Variants in HIP1 observed in about 807,000 individuals in gnomAD.
The protein encoded by HIP1 is huntingtin interacting protein 1.
In HIP1, 65 loss-of-function variants were observed where a neutral mutation model predicts 147.6. The ratio of observed to expected loss-of-function variants is 0.44; its 90% CI spans 0.36 to 0.54. HIP1 has a LOEUF of 0.54. Among genes scored for constraint, HIP1 ranks in the 20% least tolerant of loss-of-function variants. HIP1 has a pLI of 0.00. For synonymous variants in HIP1, 479 were observed against 504.0 expected, an observed-to-expected ratio of 0.95 and a Z score of 0.67; for missense variants, 1,061 against 1,299.6, an observed-to-expected ratio of 0.82 and a Z score of 2.82.
chr7:75,561,362 T>A lies in HIP1; in HGVS notation c.1158A>T (p.Gly386=), dbSNP rs782494261. 8 of 1,613,512 alleles carry A rather than the reference T, an allele frequency of 5.0e-6. No individual in the cohort carries two copies. Among genetic ancestry groups the A allele is most frequent in the Non-Finnish European group, 6.8e-6 (8 of 1,179,406 alleles). The stretch of plus-strand genomic sequence containing the variant: ...TCATGTTTTCTAGCTGTGCCTTCAA[T>A]CCACTGATCTCTCTGTATAGTCGCT... ...LIERLYREIS[G]LKAQLENMKT... The change falls in exon 13 of 31, where the codon GGA becomes GGT. Residue 386 remains glycine, a synonymous_variant. Transcript: ENST00000336926.
At chr7:75,541,841 C>T in intron 29 of HIP1, 78 bp downstream of exon 29, 1 of 1,109,810 alleles carries the variant, frequency 9.0e-7, no homozygotes, top group Admixed American at 1.7e-5. Flanking sequence ...TTCCCTCTGG[C>T]TTTTCTCCAT....
intron 1 of HIP1, among the ~76,000 whole-genome samples, chr7:75,710,380 A>AT (rs1216858846): frequency 6.6e-6 from 1 of 152,000 alleles, no homozygotes; most frequent in East Asian, 1.9e-4. Context: ...ATGGTGTATA[A>AT]TTTTTTTTAA....
chr7:75,548,039 T>C (rs1554491361), intron 23 of HIP1, among the ~76,000 whole-genome samples: 3 of 152,050 alleles, frequency 2.0e-5, no homozygotes, highest in Admixed American at 1.3e-4. Flanking sequence ...TGTCATTTTG[T>C]TTTGTTTTGA....
chr7:75,702,257 C>T (rs1470494585), intron 1 of HIP1, among the ~76,000 whole-genome samples: 22 of 152,034 alleles, frequency 1.4e-4, no homozygotes, highest in Non-Finnish European at 5.9e-5. Flanking sequence ...ATTACAGACA[C>T]GCACCACCAC....
At chr7:75,590,025 G>T (rs372717713) in intron 4 of HIP1, among the ~76,000 whole-genome samples, 1 of 152,020 alleles carries the variant, frequency 6.6e-6, no homozygotes, top group Non-Finnish European at 1.5e-5. Context: ...GAGCCACTGC[G>T]CCTGGCCAAA....
intron 24 of HIP1, among the ~76,000 whole-genome samples, 194 bp from the exon 25 acceptor site, chr7:75,547,226 G>T (rs1156380554): frequency 6.6e-6 from 1 of 152,106 alleles, no homozygotes; most frequent in East Asian, 1.9e-4. Context: ...ATCTAATTGT[G>T]GGTCTCCATC....
intron 1 of HIP1, among the ~76,000 whole-genome samples, chr7:75,730,759 G>A (rs1321817012): frequency 6.8e-6 from 1 of 146,362 alleles, no homozygotes; most frequent in East Asian, 2.1e-4. Context: ...TTGAGACAAG[G>A]TCTTTCTCTG....
intron 1 of HIP1, among the ~76,000 whole-genome samples, chr7:75,734,177 C>G (rs189523794): frequency 6.6e-6 from 1 of 151,684 alleles, no homozygotes; most frequent in Non-Finnish European, 1.5e-5. Context: ...ACCCAGGAGG[C>G]GAAGGTTGTA....
At chr7:75,722,755 A>T (rs987059900) in intron 1 of HIP1, among the ~76,000 whole-genome samples, 24 of 152,186 alleles carry the variant, frequency 1.6e-4, no homozygotes, top group South Asian at 4.1e-4. Flanking sequence ...ATAAAAAAAA[A>T]TTTTTTTTAA....
chr7:75,631,392 C>T (rs10230553), intron 1 of HIP1, among the ~76,000 whole-genome samples: 17,211 of 152,160 alleles, frequency 0.11, 1,418 homozygotes, highest in African/African-American at 0.23. Context: ...ATCTGAGAGT[C>T]GGCAAGTGGT....
chr7:75,738,632 C>T (rs1802104630), intron 1 of HIP1, among the ~76,000 whole-genome samples, 169 bp downstream of exon 1: 1 of 152,146 alleles, frequency 6.6e-6, no homozygotes, highest in South Asian at 2.1e-4. Flanking sequence ...ACCCTGGGGT[C>T]CCCGACCTTC....
chr7:75,541,137 C>A (rs781897978), intron 29 of HIP1, among the ~76,000 whole-genome samples: 169 of 151,088 alleles, frequency 1.1e-3, no homozygotes, highest in Middle Eastern at 3.4e-3. Flanking sequence ...TGGCTCACGC[C>A]TGTAATCCCA....
rs908738314 is a variant in HIP1 at position 75,677,055 on chromosome 7, T to G, written c.120+61746A>C. 1.3e-5 allele frequency among the ~76,000 whole-genome samples: 2 copies of G among 149,892 alleles called. 1 individual carries two copies. Among genetic ancestry groups the G allele is most frequent in the South Asian group, 4.3e-4 (2 of 4,694 alleles). The stretch of plus-strand genomic sequence containing the variant: ...ACTAAATATACAAAAATTAGCCAGG[T>G]GTGGTGGTGCATGCCTGTAATCCTA... On this transcript the variant is annotated intron_variant, in intron 1 of 30. Transcript: ENST00000336926.
intron 1 of HIP1, among the ~76,000 whole-genome samples, chr7:75,715,454 C>CAG (rs1391192756): frequency 1.5e-5 from 2 of 131,980 alleles, no homozygotes; most frequent in African/African-American, 5.9e-5. Context: ...GAGAGAGACA[C>CAG]ACACAGAGAG....
chr7:75,598,403 G>GAA (rs587640388), intron 2 of HIP1, among the ~76,000 whole-genome samples: 67 of 124,570 alleles, frequency 5.4e-4, no homozygotes, highest in African/African-American at 7.5e-4. Context: ...TCTCAAAAAA[G>GAA]AAAAAAAAAA....
At chr7:75,630,080 C>G (rs1262241292) in intron 1 of HIP1, among the ~76,000 whole-genome samples, 1 of 151,760 alleles carries the variant, frequency 6.6e-6, no homozygotes, top group Non-Finnish European at 1.5e-5. Context: ...ATCACCTGAG[C>G]CTGGGAGGTT....
At chr7:75,670,245 G>A (rs1554515126) in intron 1 of HIP1, among the ~76,000 whole-genome samples, 1 of 151,956 alleles carries the variant, frequency 6.6e-6, no homozygotes, top group Non-Finnish European at 1.5e-5. Flanking sequence ...CAAACTCCTG[G>A]GCTCAAGCCA....
intron 1 of HIP1, among the ~76,000 whole-genome samples, chr7:75,599,624 G>A (rs1414037277): frequency 6.6e-6 from 1 of 152,164 alleles, no homozygotes; most frequent in Non-Finnish European, 1.5e-5. Flanking sequence ...AGATCAGGGA[G>A]CGACCGTGGC....
At chr7:75,564,537 G>A (rs587750284) in intron 9 of HIP1, among the ~76,000 whole-genome samples, 4 of 152,026 alleles carry the variant, frequency 2.6e-5, no homozygotes, top group East Asian at 1.9e-4. Context: ...CAGGTGATCC[G>A]CCCGTCTCGG....
Sources: gnomAD v4.1 joint callset for allele counts (sites outside exome capture counted in the v4.1 genomes callset) on GRCh38, gnomAD v4.1.1 for gene constraint, MANE v1.5 for transcripts, NCBI Gene and HGNC (gene_info 2026-07-23, HGNC 2026-07-21) for gene names.